The following SPIRE1 variants were observed in gnomAD, a reference collection of about 807,000 sequenced individuals.
The protein encoded by SPIRE1 is spire type actin nucleation factor 1.
SPIRE1 carries 40 observed loss-of-function variants against 94.1 expected under a neutral mutation model. The observed-to-expected ratio is 0.43, with a 90% CI of 0.33 to 0.55. The LOEUF (loss-of-function observed/expected upper bound fraction) is 0.55. Among genes scored for constraint, SPIRE1 ranks in the 20% least tolerant of loss-of-function variants. The pLI, the probability that SPIRE1 is intolerant of heterozygous loss-of-function variation, is 0.06. For missense variants in SPIRE1, 838 were observed against 975.2 expected (o/e 0.86, Z 1.87); for synonymous variants, 376 against 371.7 (o/e 1.01, Z -0.13).
At chr18:12,459,220 C>T (rs1011997010) in intron 12 of SPIRE1, among the ~76,000 whole-genome samples, 8 of 152,320 alleles carry the variant, frequency 5.3e-5, no homozygotes, top group African/African-American at 1.4e-4. Flanking sequence ...TTTCTCTTTG[C>T]AGAGAAGTGA....
At chr18:12,484,432 G>T (rs923154024) in intron 9 of SPIRE1, among the ~76,000 whole-genome samples, 2 of 152,124 alleles carry the variant, frequency 1.3e-5, no homozygotes, top group African/African-American at 2.4e-5. Context: ...GTCAAAAATA[G>T]TAAGTGAGTG....
intron 2 of SPIRE1, among the ~76,000 whole-genome samples, chr18:12,634,542 T>C (rs1291137828): frequency 6.6e-6 from 1 of 152,158 alleles, no homozygotes; most frequent in Admixed American, 6.6e-5. Context: ...TAAGCTATTC[T>C]TTATAACACA....
chr18:12,658,230 G>C (rs896700954), upstream of SPIRE1: 1 of 511,046 alleles, frequency 2.0e-6, no homozygotes, highest in South Asian at 1.6e-5. Flanking sequence ...GGAGGGCCTC[G>C]CCTCGAGGCG....
chr18:12,650,506 C>T (rs537685518), intron 1 of SPIRE1, among the ~76,000 whole-genome samples: 5 of 151,800 alleles, frequency 3.3e-5, no homozygotes, highest in South Asian at 2.1e-4. Context: ...GTCAGGAGTT[C>T]GAGACCATCC....
chr18:12,549,738 C>T (rs539584174), intron 2 of SPIRE1, among the ~76,000 whole-genome samples: 34 of 151,992 alleles, frequency 2.2e-4, no homozygotes, highest in African/African-American at 7.2e-4. Context: ...TGTGAGCTAC[C>T]GTGCCCAATC....
chr18:12,633,226 C>A (rs1364077886), intron 2 of SPIRE1, among the ~76,000 whole-genome samples: 1 of 152,094 alleles, frequency 6.6e-6, no homozygotes, highest in Admixed American at 6.5e-5. Context: ...ATCAAAAATT[C>A]TAACAATATA....
Position 12,449,325 on chromosome 18 carries a change from A to T in SPIRE1, c.*313T>A. 3 of 284,196 alleles carry T rather than the reference A, an allele frequency of 1.1e-5. No individual in the cohort carries two copies. Among genetic ancestry groups the T allele is most frequent in the Admixed American group, 4.8e-5 (1 of 20,640 alleles). The allele number at this position is 284,196 out of a possible 1,614,324, so 17.6% of individuals were successfully genotyped here. A position where few individuals can be genotyped will look rare whatever the true frequency, so the allele number is the denominator to read the frequency against. On this transcript the variant is annotated 3_prime_UTR_variant, in exon 17 of 17. Coordinates refer to ENST00000409402, the MANE Select transcript of SPIRE1 (RefSeq NM_001128626.2). ...GCTTTTTTTTTTTGCCTTAGTCAGG[A>T]GATTATTCGAGGAACAGTAAAGAAC...
At chr18:12,453,462 C>T (rs1026091387) in intron 13 of SPIRE1, among the ~76,000 whole-genome samples, 8 of 143,460 alleles carry the variant, frequency 5.6e-5, no homozygotes, top group Admixed American at 3.6e-4. Context: ...GAGATGGAGT[C>T]TCACTGTTTC....
intron 6 of SPIRE1, among the ~76,000 whole-genome samples, chr18:12,497,730 T>C (rs2033509977): frequency 2.6e-5 from 4 of 152,306 alleles, no homozygotes; most frequent in Middle Eastern, 3.4e-3. Flanking sequence ...GGATTTCATA[T>C]TATGTAGATT....
intron 2 of SPIRE1, among the ~76,000 whole-genome samples, chr18:12,548,656 G>A (rs1374401659): frequency 6.6e-6 from 1 of 150,430 alleles, no homozygotes; most frequent in Non-Finnish European, 1.5e-5. Flanking sequence ...CTGTCACCCG[G>A]GCTGGAGTGC....
chr18:12,602,711 T>C (rs1188160928), intron 2 of SPIRE1, among the ~76,000 whole-genome samples: 1 of 152,184 alleles, frequency 6.6e-6, no homozygotes, highest in Non-Finnish European at 1.5e-5. Context: ...AGGTCTACTG[T>C]GTAAGGCTGG....
At chr18:12,610,403 A>G (rs2037105599) in intron 2 of SPIRE1, among the ~76,000 whole-genome samples, 1 of 151,996 alleles carries the variant, frequency 6.6e-6, no homozygotes, top group African/African-American at 2.4e-5. Flanking sequence ...CCTACCATCC[A>G]TTGATCTTAA....
intron 4 of SPIRE1, among the ~76,000 whole-genome samples, chr18:12,520,832 G>A (rs2034336026): frequency 1.3e-5 from 2 of 152,262 alleles, no homozygotes; most frequent in East Asian, 1.9e-4. Flanking sequence ...TGAGAAAGCT[G>A]ATTAAAATAC....
intron 9 of SPIRE1, among the ~76,000 whole-genome samples, chr18:12,482,904 T>C (rs1396249099): frequency 6.6e-6 from 1 of 151,914 alleles, no homozygotes; most frequent in Non-Finnish European, 1.5e-5. Flanking sequence ...AGTGATTTTA[T>C]CTCATACCAC....
intron 3 of SPIRE1, among the ~76,000 whole-genome samples, chr18:12,538,551 G>T (rs1302229805): frequency 3.3e-5 from 5 of 152,100 alleles, no homozygotes; most frequent in Admixed American, 3.3e-4. Context: ...GGCTTTAAAT[G>T]CCACCTATAG....
chr18:12,655,549 AAGAG>A (rs1468625708), intron 1 of SPIRE1, among the ~76,000 whole-genome samples: 1 of 152,216 alleles, frequency 6.6e-6, no homozygotes, highest in African/African-American at 2.4e-5. Flanking sequence ...AGAACTGAGA[AAGAG>A]AATTATAAAC....
At chr18:12,602,889 A>G (rs1567961145) in intron 2 of SPIRE1, among the ~76,000 whole-genome samples, 2 of 152,214 alleles carry the variant, frequency 1.3e-5, no homozygotes, top group African/African-American at 4.8e-5. Context: ...CGGCCTAGTT[A>G]TGTATGAAGT....
intron 2 of SPIRE1, among the ~76,000 whole-genome samples, chr18:12,555,886 G>T (rs184620248): frequency 1.3e-5 from 2 of 152,294 alleles, no homozygotes; most frequent in African/African-American, 4.8e-5. Context: ...AATCATACTT[G>T]CTTGCAGATG....
intron 3 of SPIRE1, 23 bp from the exon 4 acceptor site, chr18:12,535,624 A>G (rs1249515720): frequency 6.2e-7 from 1 of 1,601,812 alleles, no homozygotes; most frequent in African/African-American, 1.3e-5. Flanking sequence ...AAAATAAAAT[A>G]ATGGTGCTTG....
Sources: allele counts gnomAD v4.1 joint callset (sites outside exome capture counted in the v4.1 genomes callset), GRCh38; gene constraint gnomAD v4.1.1; transcripts MANE v1.5; gene names NCBI Gene and HGNC (gene_info 2026-07-23, HGNC 2026-07-21).